ANO4: variants seen among roughly 807,000 people sequenced by gnomAD.
ANO4 encodes the protein anoctamin-4.
In ANO4, 69 loss-of-function variants were observed where a neutral mutation model predicts 141.9. That is an observed-to-expected ratio of 0.49 (90% confidence interval 0.40 to 0.59). The LOEUF (loss-of-function observed/expected upper bound fraction) is 0.59, where lower values mean the gene tolerates loss of function less well. Ranked by LOEUF, ANO4 falls within the 20% of genes least tolerant of loss-of-function variation. The pLI is 0.00. For synonymous variants in ANO4, 350 were observed against 394.3 expected, an observed-to-expected ratio of 0.89 and a Z score of 1.33; for missense variants, 894 against 1,162.2, an observed-to-expected ratio of 0.77 and a Z score of 3.36.
At chr12:101,063,745 C>CTTTGTTTTTTTTTT (rs2048447672) in intron 14 of ANO4, among the ~76,000 whole-genome samples, 1 of 24,772 alleles carries the variant, frequency 4.0e-5, no homozygotes, top group Non-Finnish European at 6.7e-5. Flanking sequence ...TCCAGGTTAT[C>CTTTGTTTTTTTTTT]TTTTTTTTTT....
intron 19 of ANO4, among the ~76,000 whole-genome samples, 159 bp downstream of exon 19, chr12:101,096,806 C>T (rs1046728161): frequency 6.6e-6 from 1 of 152,134 alleles, no homozygotes; most frequent in Non-Finnish European, 1.5e-5. Flanking sequence ...CTCAAAACCA[C>T]CTGGCATCCC....
intron 14 of ANO4, among the ~76,000 whole-genome samples, chr12:101,053,248 G>T (rs574441518): frequency 2.2e-4 from 33 of 152,316 alleles, no homozygotes; most frequent in African/African-American, 7.9e-4. Flanking sequence ...TCTTAGCTTT[G>T]CCAGGCAGAG....
intron 1 of ANO4, among the ~76,000 whole-genome samples, chr12:100,731,546 C>T (rs936256222): frequency 3.9e-5 from 6 of 152,178 alleles, no homozygotes; most frequent in African/African-American, 1.4e-4. Context: ...TATTAGGGCT[C>T]ACTCTTGGTT....
chr12:100,810,838 A>G (rs75723404), intron 1 of ANO4, among the ~76,000 whole-genome samples: 5,170 of 152,242 alleles, frequency 0.034, 160 homozygotes, highest in Non-Finnish European at 0.048. Flanking sequence ...GGTCAATATG[A>G]TGAGTACACT....
At chr12:100,762,445 A>G (rs2032907575) in intron 3 of ANO4, among the ~76,000 whole-genome samples, 1 of 152,172 alleles carries the variant, frequency 6.6e-6, no homozygotes, top group South Asian at 2.1e-4. Flanking sequence ...GGAGACCAGA[A>G]TCTCTAGTGC....
chr12:100,827,156 T>C (rs1471177754), intron 1 of ANO4, among the ~76,000 whole-genome samples: 1 of 152,064 alleles, frequency 6.6e-6, no homozygotes, highest in Non-Finnish European at 1.5e-5. Flanking sequence ...ACAAAGTCCT[T>C]ATAATGGCTC....
chr12:100,899,607 CT>C (rs1195269562), intron 1 of ANO4, among the ~76,000 whole-genome samples: 1 of 152,136 alleles, frequency 6.6e-6, no homozygotes, highest in Non-Finnish European at 1.5e-5. Flanking sequence ...TTGAGTCATC[CT>C]TCCTTAAGAT....
rs760718132 is a variant in ANO4 at position 101,041,672 on chromosome 12, G to A, written c.1020-662G>A. On this transcript the variant is annotated intron_variant, in intron 11 of 27. Coordinates refer to ENST00000392977, the MANE Select transcript of ANO4 (RefSeq NM_001286615.2). ...AGTTTTCCTCAGCAACACAGGCCCT[G>A]CATACTTGAAACATCGAGAAAAGAA... Among the ~76,000 whole-genome samples, 6 of 152,140 alleles carry A rather than the reference G, an allele frequency of 3.9e-5. No homozygotes were observed. In the East Asian group the frequency reaches 1.2e-3, roughly 29 times the overall value.
At chr12:101,039,837 A>G in intron 10 of ANO4, 118 bp from the exon 11 acceptor site, 1 of 1,164,756 alleles carries the variant, frequency 8.6e-7, no homozygotes, top group Non-Finnish European at 1.2e-6. Context: ...GAGAGGATTC[A>G]TTTCTTTCTC....
At chr12:100,730,565 C>T (rs960295842) in intron 1 of ANO4, among the ~76,000 whole-genome samples, 3 of 152,118 alleles carry the variant, frequency 2.0e-5, no homozygotes, top group South Asian at 2.1e-4. Context: ...TTAAAACCAA[C>T]GAACATTCAT....
At chr12:101,005,765 A>G (rs1411231683) in intron 8 of ANO4, among the ~76,000 whole-genome samples, 2 of 152,216 alleles carry the variant, frequency 1.3e-5, no homozygotes, top group African/African-American at 4.8e-5. Context: ...TGTGAATTCT[A>G]TAAATGCTGA....
intron 1 of ANO4, among the ~76,000 whole-genome samples, chr12:100,884,524 TTTATTGC>T (rs2039731145): frequency 6.6e-6 from 1 of 152,156 alleles, no homozygotes; most frequent in Non-Finnish European, 1.5e-5. Flanking sequence ...GTATTAGTTT[TTTATTGC>T]TTCTGTAACA....
chr12:101,117,992 C>A (rs546332157), intron 25 of ANO4, among the ~76,000 whole-genome samples: 1 of 152,056 alleles, frequency 6.6e-6, no homozygotes, highest in African/African-American at 2.4e-5. Context: ...TCCTTTCCCA[C>A]ATGGAGTAAC....
intron 1 of ANO4, among the ~76,000 whole-genome samples, chr12:100,875,733 T>C (rs1255432433): frequency 2.0e-5 from 3 of 152,160 alleles, no homozygotes; most frequent in African/African-American, 7.2e-5. Flanking sequence ...ATGGACTGAA[T>C]CTGGGATATA....
intron 3 of ANO4, among the ~76,000 whole-genome samples, chr12:100,787,757 C>G (rs981520654): frequency 4.6e-5 from 7 of 152,042 alleles, no homozygotes; most frequent in Non-Finnish European, 1.0e-4. Context: ...TGTAATGTGG[C>G]CAAAACAGTC....
intron 1 of ANO4, among the ~76,000 whole-genome samples, chr12:100,877,140 G>C (rs1372938621): frequency 1.3e-5 from 2 of 152,118 alleles, no homozygotes; most frequent in African/African-American, 4.8e-5. Flanking sequence ...ATAAAGGAGA[G>C]CTGTTGTTCA....
At chr12:100,820,456 A>C (rs991992553) in intron 1 of ANO4, among the ~76,000 whole-genome samples, 5 of 151,888 alleles carry the variant, frequency 3.3e-5, no homozygotes, top group Non-Finnish European at 7.4e-5. Context: ...ATTTTTAAAA[A>C]CTCTGTGTTG....
chr12:101,096,597 GT>G lies in ANO4; in HGVS notation c.1803del (p.Phe601LeufsTer4). ...SFTLKMFLFQ[F>X]VNLNSSTFYI... ...TCACCCTGAAAATGTTTCTTTTTCA[GT>G]TTGTCAATCTGAACAGCTCCACATT... On this transcript the variant is annotated frameshift_variant, in exon 19 of 28. Transcript: ENST00000392977. LOFTEE classifies it high-confidence loss of function. The G allele has an allele frequency of 1.2e-6, 2 of 1,613,624 alleles. No individual in the cohort carries two copies. The highest frequency in any genetic ancestry group is 1.7e-6 in the Non-Finnish European group (2 of 1,179,684).
upstream of ANO4, among the ~76,000 whole-genome samples, chr12:100,790,752 G>A (rs2034019643): frequency 6.6e-6 from 1 of 152,166 alleles, no homozygotes; most frequent in South Asian, 2.1e-4. Context: ...TGCTGACTGT[G>A]CAAACAAATT....
Sources: allele counts gnomAD v4.1 joint callset (sites outside exome capture counted in the v4.1 genomes callset), GRCh38; gene constraint gnomAD v4.1.1; transcripts MANE v1.5; gene names NCBI Gene and HGNC (gene_info 2026-07-23, HGNC 2026-07-21).